The following FAM168B variants were observed in gnomAD, a reference collection of about 807,000 sequenced individuals.
The protein encoded by FAM168B is family with sequence similarity 168 member B, also known as myelin-associated neurite-outgrowth inhibitor.
Under a neutral mutation model 21.8 loss-of-function variants are expected in FAM168B, and 19 were observed. The observed-to-expected ratio is 0.87, with a 90% confidence interval of 0.61 to 1.28. The LOEUF is 1.28. Ranked by LOEUF, FAM168B falls within the 50% of genes most tolerant of loss-of-function variation. FAM168B has a pLI of 0.00. For synonymous variants in FAM168B, 126 were observed against 104.8 expected (o/e 1.20, Z -1.24); for missense variants, 233 against 263.1 (o/e 0.89, Z 0.79).
intron 2 of FAM168B, among the ~76,000 whole-genome samples, chr2:131,076,922 G>A (rs1216451506): frequency 6.7e-6 from 1 of 149,298 alleles, no homozygotes; most frequent in Non-Finnish European, 1.5e-5. Flanking sequence ...AAATCCAGAA[G>A]CTGGAAAACA....
intron 1 of FAM168B, among the ~76,000 whole-genome samples, chr2:131,090,232 T>C (rs1444095280): frequency 5.6e-5 from 8 of 142,298 alleles, no homozygotes; most frequent in Non-Finnish European, 7.5e-5. Flanking sequence ...GGCTGGAGAA[T>C]GGCGTGAACC....
At chr2:131,064,156 G>A (rs566977613) in intron 3 of FAM168B, among the ~76,000 whole-genome samples, 5 of 152,238 alleles carry the variant, frequency 3.3e-5, no homozygotes, top group African/African-American at 1.2e-4. Flanking sequence ...TGTGCCCTCA[G>A]GGAAGAGGAC....
At chr2:131,054,416 C>T (rs1224290137) in intron 5 of FAM168B, among the ~76,000 whole-genome samples, 2 of 152,182 alleles carry the variant, frequency 1.3e-5, no homozygotes, top group Non-Finnish European at 2.9e-5. Context: ...CCCTGTGCCT[C>T]AAACCAGCAG....
chr2:131,090,822 G>A (rs376783270), intron 1 of FAM168B, among the ~76,000 whole-genome samples: 7 of 152,046 alleles, frequency 4.6e-5, no homozygotes, highest in Admixed American at 2.0e-4. Flanking sequence ...TCCACCTCCC[G>A]GGTTCACACC....
At chr2:131,072,831 T>A (rs750985728) in intron 2 of FAM168B, among the ~76,000 whole-genome samples, 2 of 152,168 alleles carry the variant, frequency 1.3e-5, no homozygotes, top group Non-Finnish European at 1.5e-5. Context: ...GTAAGAGTGC[T>A]AAGGGTATCA....
At chr2:131,061,557 G>A (rs1442190238) in intron 3 of FAM168B, among the ~76,000 whole-genome samples, 1 of 152,120 alleles carries the variant, frequency 6.6e-6, no homozygotes, top group African/African-American at 2.4e-5. Flanking sequence ...GAGGCAGGCG[G>A]ATCACCTGAG....
intron 1 of FAM168B, among the ~76,000 whole-genome samples, chr2:131,091,290 G>T (rs1012245361): frequency 1.4e-4 from 22 of 152,006 alleles, no homozygotes; most frequent in Middle Eastern, 3.4e-3. Context: ...AGTGAGCCGA[G>T]ATCACTCCAC....
chr2:131,070,136 C>T (rs1020626993), intron 3 of FAM168B, among the ~76,000 whole-genome samples: 23 of 152,256 alleles, frequency 1.5e-4, no homozygotes, highest in Admixed American at 1.2e-3. Flanking sequence ...GGATTACAGA[C>T]GTGAGCCACC....
chr2:131,087,830 T>C (rs1177760229), intron 1 of FAM168B, among the ~76,000 whole-genome samples: 1 of 152,212 alleles, frequency 6.6e-6, no homozygotes, highest in Non-Finnish European at 1.5e-5. Flanking sequence ...CAGTTGGACA[T>C]GAACATTTGT....
Position 131,080,028 on chromosome 2 carries a change from A to C in FAM168B, c.70+2549T>G, listed in dbSNP as rs532783578. On this transcript the variant is annotated intron_variant, in intron 2 of 6. Transcript: ENST00000389915. ...GCAACTCAGGAGGCTGAGGCAGGAG[A>C]ATCACCTGAACGCGGGAGGCAGAGG... Among the ~76,000 whole-genome samples, 6 of 152,036 alleles carry C rather than the reference A, an allele frequency of 3.9e-5. No individual in the cohort carries two copies. The South Asian group carries it at 1.0e-3, about 26-fold the overall frequency.
intron 2 of FAM168B, among the ~76,000 whole-genome samples, chr2:131,080,559 A>G (rs927829250): frequency 2.0e-5 from 3 of 151,776 alleles, no homozygotes; most frequent in Non-Finnish European, 4.4e-5. Flanking sequence ...TGGAGGTTGT[A>G]GTGAGCTGAG....
intron 1 of FAM168B, among the ~76,000 whole-genome samples, chr2:131,087,560 G>A (rs1693779081): frequency 6.6e-6 from 1 of 152,210 alleles, no homozygotes; most frequent in African/African-American, 2.4e-5. Flanking sequence ...GAACAAGCAA[G>A]ATGCATTTTA....
intron 2 of FAM168B, among the ~76,000 whole-genome samples, chr2:131,073,501 G>A (rs1692983590): frequency 6.6e-6 from 1 of 152,180 alleles, no homozygotes; most frequent in African/African-American, 2.4e-5. Flanking sequence ...AGCACTGAGA[G>A]GTGGGACATT....
intron 3 of FAM168B, among the ~76,000 whole-genome samples, chr2:131,066,673 C>T (rs751912063): frequency 9.9e-5 from 15 of 152,130 alleles, no homozygotes; most frequent in Admixed American, 6.6e-5. Context: ...TATGCCTGAT[C>T]GTAGGCTTGG....
At chr2:131,080,102 A>G (rs1313721151) in intron 2 of FAM168B, among the ~76,000 whole-genome samples, 1 of 150,430 alleles carries the variant, frequency 6.6e-6, no homozygotes, top group Non-Finnish European at 1.5e-5. Context: ...GGGCAACAAG[A>G]GTGAAACTCT....
chr2:131,086,837 G>A (rs893277306), intron 1 of FAM168B, among the ~76,000 whole-genome samples: 8 of 95,288 alleles, frequency 8.4e-5, no homozygotes, highest in Non-Finnish European at 9.5e-5. Context: ...AGGCCGAGGC[G>A]GGCGGATCAC....
In FAM168B at chr2:131,077,475, C is replaced by T. The variant is rs561803619; in HGVS notation, c.70+5102G>A. ...GGCAAATGTGCCTCACAGTCTGAGG[C>T]TCTCCCTAATTCTACTTCCTCCCTG... On this transcript the variant is annotated intron_variant, in intron 2 of 6. Coordinates refer to ENST00000389915, the MANE Select transcript of FAM168B (RefSeq NM_001009993.4). Among the ~76,000 whole-genome samples the T allele has an allele frequency of 2.0e-5, 3 of 152,330 alleles. No individual in the cohort carries two copies. In the South Asian group the frequency reaches 6.2e-4, roughly 32 times the overall value.
chr2:131,081,910 G>T (rs1200338555), intron 2 of FAM168B, among the ~76,000 whole-genome samples: 1 of 152,046 alleles, frequency 6.6e-6, no homozygotes, highest in Non-Finnish European at 1.5e-5. Flanking sequence ...CAAAGTTTTG[G>T]GGTTATCTCT....
chr2:131,049,315 G>A lies in FAM168B; in HGVS notation c.*3150C>T. ...TCACTGACCAGGTGCCCACCCCAAG[G>A]CTCAGGACCACCCCCATTGCCTGTG... On this transcript the variant is annotated 3_prime_UTR_variant, in exon 7 of 7. Coordinates refer to ENST00000389915, the MANE Select transcript of FAM168B (RefSeq NM_001009993.4). 3 of 985,486 alleles carry A rather than the reference G, an allele frequency of 3.0e-6. No individual in the cohort carries two copies. The highest frequency in any genetic ancestry group is 3.6e-6 in the Non-Finnish European group (3 of 830,024). The allele number at this position is 985,486 out of a possible 1,614,324, so 61.0% of individuals were successfully genotyped here.
Sources: gnomAD v4.1 joint callset for allele counts (sites outside exome capture counted in the v4.1 genomes callset) on GRCh38, gnomAD v4.1.1 for gene constraint, MANE v1.5 for transcripts, NCBI Gene and HGNC (gene_info 2026-07-23, HGNC 2026-07-21) for gene names.